The following JMJD1C variants were observed in gnomAD, a reference collection of about 807,000 sequenced individuals.
JMJD1C encodes the protein jumonji domain-containing protein 1C.
Under a neutral mutation model 245.3 loss-of-function variants are expected in JMJD1C, and 31 were observed. The observed-to-expected ratio is 0.13, with a 90% confidence interval of 0.09 to 0.17. The LOEUF (loss-of-function observed/expected upper bound fraction) is 0.17. Ranked by LOEUF, JMJD1C falls within the 10% of genes least tolerant of loss-of-function variation. The probability of loss-of-function intolerance (pLI) is 1.00; values close to 1 mark genes in which losing one functional copy is unlikely to be tolerated. For synonymous variants in JMJD1C, 1,057 were observed against 1,017.4 expected (o/e 1.04, Z -0.74); for missense variants, 2,691 against 3,000.2 (o/e 0.90, Z 2.41).
At chr10:63,175,885 C>T (rs1382831178) in intron 24 of JMJD1C, among the ~76,000 whole-genome samples, 1 of 152,122 alleles carries the variant, frequency 6.6e-6, no homozygotes, top group East Asian at 1.9e-4. Context: ...ATATAAATTA[C>T]ATACCATCTT....
At chr10:63,201,450 A>G (rs1014658311) in intron 10 of JMJD1C, among the ~76,000 whole-genome samples, 2 of 150,714 alleles carry the variant, frequency 1.3e-5, no homozygotes. Flanking sequence ...CTAATATGTG[A>G]AAAAAAAATC....
At chr10:63,403,392 A>C (rs1043131014) in intron 1 of JMJD1C, among the ~76,000 whole-genome samples, 8 of 152,206 alleles carry the variant, frequency 5.3e-5, no homozygotes, top group African/African-American at 1.9e-4. Flanking sequence ...ACATCAGATG[A>C]TCAAGTTACA....
At chr10:63,487,457 C>T in intron 1 of JMJD1C, among the ~76,000 whole-genome samples, 1 of 152,186 alleles carries the variant, frequency 6.6e-6, no homozygotes, top group Admixed American at 6.5e-5. Context: ...TGGATAGAGG[C>T]TAGGATGCTG....
intron 1 of JMJD1C, among the ~76,000 whole-genome samples, chr10:63,382,337 A>AG (rs1947282553): frequency 6.6e-6 from 1 of 152,210 alleles, no homozygotes; most frequent in African/African-American, 2.4e-5. Flanking sequence ...TAAACAATTG[A>AG]GCTTGACTTT....
At chr10:63,196,895 C>T (rs1033318408) in intron 13 of JMJD1C, among the ~76,000 whole-genome samples, 3 of 152,128 alleles carry the variant, frequency 2.0e-5, no homozygotes, top group Non-Finnish European at 4.4e-5. Flanking sequence ...CTCCTGGGTT[C>T]AGGTGATCCT....
At chr10:63,212,807 G>A (rs867634188) in intron 8 of JMJD1C, among the ~76,000 whole-genome samples, 6 of 151,532 alleles carry the variant, frequency 4.0e-5, no homozygotes, top group Middle Eastern at 6.9e-3. Flanking sequence ...GAATTTGGCT[G>A]AGCAAAATAA....
intron 22 of JMJD1C, among the ~76,000 whole-genome samples, chr10:63,182,850 T>G (rs903219705): frequency 1.3e-5 from 2 of 151,274 alleles, no homozygotes; most frequent in South Asian, 2.1e-4. Flanking sequence ...AATAAATTTT[T>G]TTTGTTTGTT....
intron 3 of JMJD1C, among the ~76,000 whole-genome samples, chr10:63,240,059 C>T (rs944427856): frequency 2.6e-5 from 4 of 152,102 alleles, no homozygotes; most frequent in African/African-American, 9.7e-5. Context: ...CTGGCCTCTC[C>T]AGAATTTTAA....
chr10:63,295,607 T>C (rs1859285256), intron 2 of JMJD1C, among the ~76,000 whole-genome samples: 1 of 152,120 alleles, frequency 6.6e-6, no homozygotes, highest in Non-Finnish European at 1.5e-5. Context: ...GCAAGTTTCA[T>C]TTCAAACAGA....
chr10:63,401,995 G>A (rs895529511), intron 1 of JMJD1C, among the ~76,000 whole-genome samples: 3 of 151,960 alleles, frequency 2.0e-5, no homozygotes, highest in Non-Finnish European at 2.9e-5. Flanking sequence ...TTAGCCAGGC[G>A]TGGTGGTGCA....
intron 1 of JMJD1C, among the ~76,000 whole-genome samples, chr10:63,446,080 G>A (rs1359973782): frequency 6.6e-6 from 1 of 151,702 alleles, no homozygotes; most frequent in Non-Finnish European, 1.5e-5. Context: ...TTGCCATGTT[G>A]CCCAGGCTGG....
chr10:63,302,746 TA>T (rs1327556066), intron 2 of JMJD1C, among the ~76,000 whole-genome samples: 1 of 152,208 alleles, frequency 6.6e-6, no homozygotes, highest in Non-Finnish European at 1.5e-5. Context: ...AAGCTGGACT[TA>T]GTAATGAGGC....
intron 2 of JMJD1C, among the ~76,000 whole-genome samples, chr10:63,311,252 A>T (rs1939152178): frequency 6.6e-6 from 1 of 151,342 alleles, no homozygotes; most frequent in South Asian, 2.1e-4. Flanking sequence ...GGTGATGGGC[A>T]GCTGTAATCC....
intron 2 of JMJD1C, among the ~76,000 whole-genome samples, chr10:63,270,145 C>G (rs1489366851): frequency 6.6e-6 from 1 of 152,078 alleles, no homozygotes. Flanking sequence ...TTCTACTGGA[C>G]AAGAATGCTC....
intron 2 of JMJD1C, among the ~76,000 whole-genome samples, chr10:63,334,812 G>A (rs1413518963): frequency 2.0e-5 from 3 of 151,918 alleles, no homozygotes; most frequent in African/African-American, 4.8e-5. Flanking sequence ...GGGTTCAAAC[G>A]ACTCTCAGGC....
intron 2 of JMJD1C, among the ~76,000 whole-genome samples, chr10:63,302,307 A>G (rs949989399): frequency 2.0e-5 from 3 of 152,246 alleles, no homozygotes; most frequent in African/African-American, 7.2e-5. Context: ...GAGAAGAAAA[A>G]TGCCTGAGTA....
In JMJD1C at chr10:63,215,361, TG is replaced by T; in HGVS notation, c.916del (p.Gln306LysfsTer22). On this transcript the variant is annotated frameshift_variant, in exon 7 of 26. Coordinates refer to ENST00000399262, the MANE Select transcript of JMJD1C (RefSeq NM_032776.3). LOFTEE classifies it high-confidence loss of function. Reference protein sequence around the residue: ...PKQNTHQQQQQRSIRPNKRKG... With the variant: ...PKQNTHQQQQXRSIRPNKRKG... Reference sequence around the variant, plus strand: ...CCTCTTATTTGGACGGATACTTCTTTGTTGCTGTTGCTGGTGTGTATTCTGT... The same window carrying T: ...CCTCTTATTTGGACGGATACTTCTTTTTGCTGTTGCTGGTGTGTATTCTGT... 1 of 1,614,202 alleles carries T rather than the reference TG, an allele frequency of 6.2e-7. No homozygotes were observed. Among genetic ancestry groups the T allele is most frequent in the Non-Finnish European group, 8.5e-7 (1 of 1,180,018 alleles).
chr10:63,375,437 T>C (rs1179757766), intron 2 of JMJD1C, among the ~76,000 whole-genome samples: 2 of 151,806 alleles, frequency 1.3e-5, no homozygotes, highest in Non-Finnish European at 2.9e-5. Flanking sequence ...ACCTAGAAGA[T>C]GAAATAAACA....
rs980137684 is a variant in JMJD1C at position 63,208,211 on chromosome 10, T to A, written c.3458A>T (p.Gln1153Leu). 1.2e-6 allele frequency: 2 copies of A among 1,614,072 alleles called. No homozygotes were observed. The highest frequency in any genetic ancestry group is 1.7e-6 in the Non-Finnish European group (2 of 1,179,934). ...LSKPPPLIKH[Q>L]PESEGLVGKI... ...GCCTACTAAACCTTCACTTTCTGGT[T>A]GGTGTTTAATCAAAGGTGGAGGCTT... Residue 1153 changes from glutamine (Q) to leucine (L), a missense_variant, in exon 10 of 26, where the codon CAA becomes CTA. Coordinates refer to ENST00000399262, the MANE Select transcript of JMJD1C (RefSeq NM_032776.3).
Sources: gnomAD v4.1 joint callset for allele counts (sites outside exome capture counted in the v4.1 genomes callset) on GRCh38, gnomAD v4.1.1 for gene constraint, MANE v1.5 for transcripts, NCBI Gene and HGNC (gene_info 2026-07-23, HGNC 2026-07-21) for gene names.